Variants in CSMD1 observed in about 807,000 individuals in gnomAD.
CSMD1 encodes CUB and sushi domain-containing protein 1.
Under a neutral mutation model 417.5 loss-of-function variants are expected in CSMD1, and 213 were observed. The observed-to-expected ratio is 0.51, with a 90% CI of 0.46 to 0.57. CSMD1 has a LOEUF of 0.57. Among genes scored for constraint, CSMD1 ranks in the 20% least tolerant of loss-of-function variants. The probability of loss-of-function intolerance (pLI) is 0.00; values close to 1 mark genes in which losing one functional copy is unlikely to be tolerated. For missense variants in CSMD1, 6,923 were observed against 4,529.7 expected (o/e 1.53, Z -15.17); for synonymous variants, 2,862 against 1,736.8 (o/e 1.65, Z -16.11).
intron 36 of CSMD1, among the ~76,000 whole-genome samples, chr8:3,181,723 T>C (rs1821340558): frequency 6.6e-6 from 1 of 152,180 alleles, no homozygotes; most frequent in Non-Finnish European, 1.5e-5. Context: ...CTGTTGATGA[T>C]TTCAACTAAA....
chr8:4,071,396 CT>C (rs1799549687), intron 3 of CSMD1, among the ~76,000 whole-genome samples: 6 of 139,568 alleles, frequency 4.3e-5, no homozygotes, highest in African/African-American at 1.4e-4. Context: ...AGTAAACCTA[CT>C]TTAAAAAAAA....
intron 5 of CSMD1, among the ~76,000 whole-genome samples, chr8:3,810,120 G>A (rs1345202570): frequency 6.6e-6 from 1 of 152,116 alleles, no homozygotes; most frequent in Non-Finnish European, 1.5e-5. Context: ...GCCTTGGTTT[G>A]CCAAGAGTGC....
intron 37 of CSMD1, among the ~76,000 whole-genome samples, chr8:3,179,889 G>C (rs1821207249): frequency 6.6e-6 from 1 of 152,148 alleles, no homozygotes; most frequent in Admixed American, 6.6e-5. Context: ...GCAGACAAAT[G>C]CCCATAATAA....
chr8:3,176,906 G>A (rs1820970143), intron 37 of CSMD1, among the ~76,000 whole-genome samples: 1 of 151,768 alleles, frequency 6.6e-6, no homozygotes. Flanking sequence ...AGCCTCCTGT[G>A]TAGGTGGGAC....
chr8:3,260,707 T>G (rs760825925), intron 26 of CSMD1, among the ~76,000 whole-genome samples: 10 of 152,056 alleles, frequency 6.6e-5, no homozygotes, highest in South Asian at 2.1e-4. Flanking sequence ...CAAAACAAAA[T>G]GAGAACCTCG....
intron 1 of CSMD1, among the ~76,000 whole-genome samples, chr8:4,825,374 G>A (rs1180510985): frequency 2.0e-5 from 3 of 151,970 alleles, no homozygotes; most frequent in Admixed American, 6.6e-5. Context: ...AGATTTATTC[G>A]CTTCACCAGT....
intron 42 of CSMD1, among the ~76,000 whole-genome samples, chr8:3,112,143 C>A (rs186453288): frequency 4.6e-5 from 7 of 151,838 alleles, no homozygotes; most frequent in Non-Finnish European, 1.0e-4. Flanking sequence ...CAGCTGCTAC[C>A]TCCTTTCAAG....
chr8:4,108,803 C>G (rs1488155090), intron 3 of CSMD1, among the ~76,000 whole-genome samples: 1 of 152,032 alleles, frequency 6.6e-6, no homozygotes, highest in Non-Finnish European at 1.5e-5. Flanking sequence ...GCACAAGCTC[C>G]TAAGTAGCAT....
intron 3 of CSMD1, among the ~76,000 whole-genome samples, chr8:4,244,264 T>C (rs1202411733): frequency 6.6e-6 from 1 of 152,160 alleles, no homozygotes; most frequent in Non-Finnish European, 1.5e-5. Context: ...ACAGGGGCAC[T>C]GAGAGCAGGC....
chr8:4,021,356 C>T (rs1342391999), intron 4 of CSMD1, among the ~76,000 whole-genome samples: 1 of 152,190 alleles, frequency 6.6e-6, no homozygotes, highest in African/African-American at 2.4e-5. Context: ...GTCACATTTT[C>T]CGTGTCGCAT....
chr8:4,256,009 C>T (rs1803432180), intron 3 of CSMD1, among the ~76,000 whole-genome samples: 1 of 152,178 alleles, frequency 6.6e-6, no homozygotes. Context: ...AGGGTTATCT[C>T]ATAAATACAG....
At chr8:4,937,346 G>C (rs1013125362) in intron 1 of CSMD1, among the ~76,000 whole-genome samples, 3 of 152,176 alleles carry the variant, frequency 2.0e-5, no homozygotes, top group African/African-American at 7.2e-5. Context: ...TTGTAAAATA[G>C]TGAAAGCACA....
At chr8:4,285,912 C>A (rs1260785429) in intron 3 of CSMD1, among the ~76,000 whole-genome samples, 1 of 152,116 alleles carries the variant, frequency 6.6e-6, no homozygotes, top group African/African-American at 2.4e-5. Context: ...ATTTTAAATA[C>A]CATCTGCACA....
At chr8:3,936,150 T>A (rs1270512478) in intron 5 of CSMD1, among the ~76,000 whole-genome samples, 1 of 150,782 alleles carries the variant, frequency 6.6e-6, no homozygotes, top group Non-Finnish European at 1.5e-5. Context: ...GAAGATAAAT[T>A]TGAAGATACC....
At chr8:4,064,004 C>G (rs972135573) in intron 3 of CSMD1, among the ~76,000 whole-genome samples, 1 of 151,990 alleles carries the variant, frequency 6.6e-6, no homozygotes, top group Non-Finnish European at 1.5e-5. Flanking sequence ...AATGAGTGTA[C>G]CTAAAGAAGC....
At chr8:3,499,452 G>T (rs929447048) in intron 10 of CSMD1, among the ~76,000 whole-genome samples, 6 of 152,104 alleles carry the variant, frequency 3.9e-5, no homozygotes, top group African/African-American at 1.2e-4. Context: ...GCTGGTCCTT[G>T]GGTCCCTGGG....
At chr8:4,312,176 AAG>A (rs1442165796) in intron 3 of CSMD1, among the ~76,000 whole-genome samples, 10 of 152,018 alleles carry the variant, frequency 6.6e-5, no homozygotes, top group Admixed American at 6.6e-4. Context: ...ATTTAGTCAG[AAG>A]ACACAATGAA....
chr8:3,995,484 G>C (rs1443537516), intron 5 of CSMD1, among the ~76,000 whole-genome samples: 2 of 152,172 alleles, frequency 1.3e-5, no homozygotes, highest in African/African-American at 4.8e-5. Context: ...TCCTGAAACA[G>C]AGAAACTCTA....
At chr8:4,103,834 G>A (rs906269669) in intron 3 of CSMD1, among the ~76,000 whole-genome samples, 1 of 152,152 alleles carries the variant, frequency 6.6e-6, no homozygotes, top group Non-Finnish European at 1.5e-5. Flanking sequence ...TTCATAAAAT[G>A]CTCTAACTCC....
Sources: allele counts gnomAD v4.1 joint callset (sites outside exome capture counted in the v4.1 genomes callset), GRCh38; gene constraint gnomAD v4.1.1; transcripts MANE v1.5; gene names NCBI Gene and HGNC (gene_info 2026-07-23, HGNC 2026-07-21).